Variants in MYT1L observed in about 807,000 individuals in gnomAD.
MYT1L encodes myelin transcription factor 1-like protein.
A neutral mutation model predicts 126.7 loss-of-function variants in MYT1L; 12 were observed. The observed-to-expected ratio is 0.09, with a 90% CI of 0.06 to 0.15. MYT1L has a LOEUF of 0.15. MYT1L is among the 10% of genes least tolerant of loss of function. The pLI is 1.00. For synonymous variants in MYT1L, 541 were observed against 604.2 expected (o/e 0.90, Z 1.53); for missense variants, 979 against 1,585.2 (o/e 0.62, Z 6.49).
At chr2:1,826,898 G>C (rs1334318952) in intron 21 of MYT1L, 1 of 152,198 alleles carries the variant, frequency 6.6e-6, no homozygotes, top group Non-Finnish European at 1.5e-5. Context: ...TTCCTCATGA[G>C]AGCAGGTGGT....
intron 21 of MYT1L, among the ~76,000 whole-genome samples, chr2:1,836,935 CA>C (rs2040983060): frequency 6.6e-6 from 1 of 152,154 alleles, no homozygotes; most frequent in Admixed American, 6.5e-5. Flanking sequence ...AGAAAAGAAA[CA>C]GGGAAGGGTG....
Position 1,910,158 on chromosome 2 carries a change from C to A in MYT1L, c.1817+82G>T. On this transcript the variant is annotated intron_variant, in intron 13 of 24. Coordinates refer to ENST00000647738, the MANE Select transcript of MYT1L (RefSeq NM_001303052.2). The surrounding 1 kb of genome is among the most constrained non-coding windows in gnomAD (Gnocchi z 4.8). ...CTGCCCCTGCTGCTGTAGGGACATG[C>A]CCTGAGCGGGTGTCCCCAGCGCTCC... is the stretch of plus-strand genomic sequence containing the variant. 28 of 1,279,142 alleles carry A rather than the reference C, an allele frequency of 2.2e-5. No individual in the cohort carries two copies. The highest frequency in any genetic ancestry group is 3.1e-5 in the Non-Finnish European group (28 of 901,838). 79.2% of individuals were successfully genotyped at this position (1,279,142 alleles called of 1,614,324 possible). A position where few individuals can be genotyped will look rare whatever the true frequency, so the allele number is the denominator to read the frequency against.
intron 4 of MYT1L, among the ~76,000 whole-genome samples, chr2:2,033,685 G>A (rs1172208824): frequency 6.6e-6 from 1 of 152,328 alleles, no homozygotes; most frequent in African/African-American, 2.4e-5. Flanking sequence ...ATAGAGGTGG[G>A]TGGAGTAGGG....
Position 1,889,627 on chromosome 2 carries a change from C to A in MYT1L, c.2284-150G>T. The A allele has an allele frequency of 1.6e-6, 1 of 615,536 alleles. No individual in the cohort carries two copies. Among genetic ancestry groups the A allele is most frequent in the Non-Finnish European group, 2.7e-6 (1 of 376,520 alleles). 38.1% of individuals were successfully genotyped at this position (615,536 alleles called of 1,614,324 possible). ...GTTTCCTTGGCCTAAACTCCCAAGGCGGACAGGCCTTGTCTGGTGGTACAT... is the reference window on the plus strand; with the variant it reads ...GTTTCCTTGGCCTAAACTCCCAAGGAGGACAGGCCTTGTCTGGTGGTACAT... On this transcript the variant is annotated intron_variant, in intron 15 of 24. Coordinates refer to ENST00000647738, the MANE Select transcript of MYT1L (RefSeq NM_001303052.2). This position sits in a 1 kb window ranked among gnomAD's most constrained non-coding sequence, Gnocchi z 4.1.
At chr2:1,866,871 G>A (rs1573012527) in intron 18 of MYT1L, among the ~76,000 whole-genome samples, 1 of 139,680 alleles carries the variant, frequency 7.2e-6, no homozygotes, top group Non-Finnish European at 1.6e-5. Flanking sequence ...AGAGAGAGAT[G>A]GGCAGAGAAA....
chr2:1,982,677 C>T (rs1337247703), intron 5 of MYT1L, among the ~76,000 whole-genome samples: 12 of 152,168 alleles, frequency 7.9e-5, no homozygotes, highest in Admixed American at 7.9e-4. Context: ...AGAGACAAAG[C>T]TGGGGCTGGG....
intron 4 of MYT1L, among the ~76,000 whole-genome samples, chr2:2,032,572 G>A (rs1214804955): frequency 6.8e-6 from 1 of 146,662 alleles, no homozygotes; most frequent in Admixed American, 6.8e-5. Flanking sequence ...CTCATCCTGC[G>A]GCCCAGAGAA....
At chr2:2,104,626 A>G (rs1395793133) in intron 3 of MYT1L, among the ~76,000 whole-genome samples, 1 of 152,170 alleles carries the variant, frequency 6.6e-6, no homozygotes, top group Non-Finnish European at 1.5e-5. Flanking sequence ...GTCCAGTTAC[A>G]TATTTGGCAC....
At chr2:2,047,422 C>T (rs2068322992) in intron 4 of MYT1L, among the ~76,000 whole-genome samples, 1 of 152,182 alleles carries the variant, frequency 6.6e-6, no homozygotes, top group Admixed American at 6.5e-5. Context: ...GCGAATTGCT[C>T]CTCCTAACAA....
intron 23 of MYT1L, 105 bp from the exon 24 acceptor site, chr2:1,792,569 C>T (rs2032340252): frequency 7.9e-7 from 1 of 1,273,880 alleles, no homozygotes; most frequent in Non-Finnish European, 1.1e-6. Context: ...GGGCCTCTCG[C>T]TGAAGGAGAA....
At chr2:1,864,038 C>G (rs1290062966) in intron 18 of MYT1L, among the ~76,000 whole-genome samples, 3 of 152,228 alleles carry the variant, frequency 2.0e-5, no homozygotes, top group Non-Finnish European at 4.4e-5. Context: ...GCGCCTGCCA[C>G]TGGCCTTCAT....
At chr2:2,210,896 T>A (rs1417512928) in intron 2 of MYT1L, among the ~76,000 whole-genome samples, 1 of 152,138 alleles carries the variant, frequency 6.6e-6, no homozygotes, top group African/African-American at 2.4e-5. Context: ...TTCTTCAATT[T>A]TTTTTAAAAT....
At chr2:2,241,148 G>C (rs867365599) in intron 2 of MYT1L, among the ~76,000 whole-genome samples, 1 of 152,176 alleles carries the variant, frequency 6.6e-6, no homozygotes, top group South Asian at 2.1e-4. Flanking sequence ...GTTAGTGAAC[G>C]TGTTAATAAA....
intron 4 of MYT1L, among the ~76,000 whole-genome samples, chr2:2,006,704 T>G (rs1337486957): frequency 6.6e-6 from 1 of 151,934 alleles, no homozygotes; most frequent in Non-Finnish European, 1.5e-5. Context: ...GCCTCCAGAG[T>G]AGCTGAGACT....
At chr2:1,993,279 G>A (rs1348576958) in intron 5 of MYT1L, among the ~76,000 whole-genome samples, 1 of 152,146 alleles carries the variant, frequency 6.6e-6, no homozygotes. Context: ...AGTACAAACA[G>A]GCACACAGGG....
intron 4 of MYT1L, among the ~76,000 whole-genome samples, chr2:2,008,417 G>A (rs1445881547): frequency 6.6e-6 from 1 of 152,190 alleles, no homozygotes; most frequent in Non-Finnish European, 1.5e-5. Context: ...GCTTTATTTT[G>A]CGTTTCCCAT....
At chr2:1,823,810 C>T (rs952367704) in intron 21 of MYT1L, among the ~76,000 whole-genome samples, 10 of 152,214 alleles carry the variant, frequency 6.6e-5, no homozygotes, top group African/African-American at 1.9e-4. Context: ...CCAGTGGTGG[C>T]GGCCCTCGTC....
At chr2:1,909,880 T>C (rs144690219) in intron 13 of MYT1L, among the ~76,000 whole-genome samples, 7 of 152,290 alleles carry the variant, frequency 4.6e-5, no homozygotes, top group Non-Finnish European at 8.8e-5. Context: ...TGAGGCCCTA[T>C]CCTGCAAAAT....
chr2:2,203,611 G>A (rs2093179752), intron 2 of MYT1L, among the ~76,000 whole-genome samples: 1 of 151,476 alleles, frequency 6.6e-6, no homozygotes, highest in Non-Finnish European at 1.5e-5. Flanking sequence ...AAATAAAAGA[G>A]GACACAAACA....
Sources: gnomAD v4.1 joint callset for allele counts (sites outside exome capture counted in the v4.1 genomes callset) on GRCh38, gnomAD v4.1.1 for gene constraint, Gnocchi (gnomAD v3.1) non-coding constraint, MANE v1.5 for transcripts, NCBI Gene and HGNC (gene_info 2026-07-23, HGNC 2026-07-21) for gene names.